SEMA3D: variants seen among roughly 807,000 people sequenced by gnomAD.
SEMA3D encodes the protein semaphorin 3D.
A neutral mutation model predicts 100.1 loss-of-function variants in SEMA3D; 84 were observed. The ratio of observed to expected loss-of-function variants is 0.84; its 90% CI spans 0.70 to 1.01. The LOEUF (loss-of-function observed/expected upper bound fraction) is 1.01, where lower values mean the gene tolerates loss of function less well. Among genes scored for constraint, SEMA3D ranks in the 50% least tolerant of loss-of-function variants. SEMA3D has a pLI of 0.00. For synonymous variants in SEMA3D, 312 were observed against 320.7 expected (o/e 0.97, Z 0.29); for missense variants, 875 against 934.1 (o/e 0.94, Z 0.82).
intron 8 of SEMA3D, among the ~76,000 whole-genome samples, chr7:85,060,689 C>T (rs974414713): frequency 6.6e-6 from 1 of 152,100 alleles, no homozygotes; most frequent in African/African-American, 2.4e-5. Flanking sequence ...TCTTTTCACC[C>T]AGATGAGCAC....
intron 4 of SEMA3D, among the ~76,000 whole-genome samples, chr7:85,094,402 A>G (rs1487016472): frequency 1.3e-5 from 2 of 151,978 alleles, no homozygotes; most frequent in Non-Finnish European, 2.9e-5. Context: ...TAAAAATGGT[A>G]TTATCACTCA....
chr7:85,124,636 G>A (rs1789516723), intron 2 of SEMA3D, among the ~76,000 whole-genome samples: 1 of 152,098 alleles, frequency 6.6e-6, no homozygotes, highest in South Asian at 2.1e-4. Flanking sequence ...GGAGGACAGA[G>A]AAAAGAGACT....
At chr7:85,008,873 A>C (rs1013891055) in intron 17 of SEMA3D, among the ~76,000 whole-genome samples, 1 of 151,786 alleles carries the variant, frequency 6.6e-6, no homozygotes, top group Admixed American at 6.6e-5. Context: ...AATAATATTA[A>C]AAATACTATA....
At chr7:85,124,383 G>T (rs1178848050) in intron 2 of SEMA3D, among the ~76,000 whole-genome samples, 3 of 151,478 alleles carry the variant, frequency 2.0e-5, no homozygotes, top group African/African-American at 7.3e-5. Context: ...ACTTGTGATG[G>T]TATTTGAATA....
intron 12 of SEMA3D, among the ~76,000 whole-genome samples, chr7:85,031,584 T>C (rs1161633813): frequency 2.0e-5 from 3 of 151,990 alleles, no homozygotes; most frequent in Non-Finnish European, 4.4e-5. Context: ...GGTAGGTTAA[T>C]GGCTTTTGAT....
chr7:85,073,827 T>C (rs972614562), intron 5 of SEMA3D, among the ~76,000 whole-genome samples: 3 of 152,238 alleles, frequency 2.0e-5, no homozygotes, highest in Non-Finnish European at 4.4e-5. Context: ...TTTTTTCTCA[T>C]GGACTTTTTT....
In SEMA3D at chr7:85,099,610, C is replaced by T. The variant is rs200876924; in HGVS notation, c.152-1645G>A. Among the ~76,000 whole-genome samples the T allele has an allele frequency of 4.6e-5, 7 of 152,010 alleles. No homozygotes were observed. The East Asian group carries it at 1.4e-3, about 30-fold the overall frequency. ...GATTTGTGAGAAACTGCCAAATTGC[C>T]TTCCAAAGTGTCTATACCACTTTGC... On this transcript the variant is annotated intron_variant, in intron 3 of 18. Coordinates refer to ENST00000284136, the MANE Select transcript of SEMA3D (RefSeq NM_001384900.1).
At chr7:85,207,255 C>T in the SEMA3D span, among the ~76,000 whole-genome samples, 1 of 152,014 alleles carries the variant, frequency 6.6e-6, no homozygotes, top group Non-Finnish European at 1.5e-5. Flanking sequence ...TTCAGCCAAA[C>T]ACCGTAAAAG....
Position 85,106,758 on chromosome 7 carries a change from A to T in SEMA3D, c.152-8793T>A, listed in dbSNP as rs150805955. Among the ~76,000 whole-genome samples, 1,166 of 152,184 alleles carry T rather than the reference A, an allele frequency of 7.7e-3. 19 individuals are homozygous for T. Among genetic ancestry groups the T allele is most frequent in the African/African-American group, 0.027 (1,120 of 41,538 alleles). Reference sequence around the variant, plus strand: ...CTGGGGAGGCCTCAGGAAACTTACAATCATGGTGGAAGCCACCTCTTCACA... The same window carrying T: ...CTGGGGAGGCCTCAGGAAACTTACATTCATGGTGGAAGCCACCTCTTCACA... On this transcript the variant is annotated intron_variant, in intron 3 of 18. Coordinates refer to ENST00000284136, the MANE Select transcript of SEMA3D (RefSeq NM_001384900.1).
At chr7:85,210,023 G>C in the SEMA3D span, among the ~76,000 whole-genome samples, 1 of 152,044 alleles carries the variant, frequency 6.6e-6, no homozygotes, top group Non-Finnish European at 1.5e-5. Context: ...GGAATGTATT[G>C]ATCCAACCTC....
rs546699086 is a variant in SEMA3D, at chr7:85,006,898, A to C, written c.1812T>G (p.Ile604Met). ...ATTCCAGAAAGGTTGAGTTAAATTC[A>C]ATGCCAAAAATCACCTTTTCATCAG... ...ETADEKVIFG[I>M]EFNSTFLECI... The change falls in exon 18 of 19, where the codon ATT (isoleucine) becomes ATG (methionine). Residue 604 changes from isoleucine to methionine, a missense_variant. Transcript: ENST00000284136. 39 of 1,610,926 alleles carry C rather than the reference A, an allele frequency of 2.4e-5. No individual in the cohort carries two copies. In the South Asian group the frequency reaches 4.3e-4, roughly 18 times the overall value.
At chr7:85,055,135 T>C (rs915096134) in intron 9 of SEMA3D, among the ~76,000 whole-genome samples, 1 of 152,114 alleles carries the variant, frequency 6.6e-6, no homozygotes, top group African/African-American at 2.4e-5. Flanking sequence ...AAATATTTAA[T>C]AGAGTAATAA....
chr7:85,246,210 G>C, the SEMA3D span, among the ~76,000 whole-genome samples: 1 of 152,030 alleles, frequency 6.6e-6, no homozygotes, highest in African/African-American at 2.4e-5. Context: ...CTTTCAGTTT[G>C]GGGAAAGCTT....
intron 1 of SEMA3D, among the ~76,000 whole-genome samples, chr7:85,154,075 A>G (rs1583973355): frequency 6.6e-6 from 1 of 152,100 alleles, no homozygotes; most frequent in Admixed American, 6.6e-5. Flanking sequence ...GGCCCAGTCA[A>G]GTGGACACAT....
chr7:85,248,080 C>T, the SEMA3D span, among the ~76,000 whole-genome samples: 951 of 151,946 alleles, frequency 6.3e-3, 20 homozygotes, highest in Non-Finnish European at 4.0e-3. Flanking sequence ...TTGCAAAAGA[C>T]ATATGAGATA....
At chr7:85,184,302 G>A (rs916873918) in intron 1 of SEMA3D, among the ~76,000 whole-genome samples, 3 of 152,042 alleles carry the variant, frequency 2.0e-5, no homozygotes, top group African/African-American at 7.2e-5. Flanking sequence ...ATCTCAGTTC[G>A]TGCCCTTACT....
intron 5 of SEMA3D, among the ~76,000 whole-genome samples, chr7:85,074,065 T>TA (rs1791852717): frequency 1.3e-5 from 2 of 152,306 alleles, no homozygotes; most frequent in South Asian, 4.1e-4. Context: ...ACATAAATGT[T>TA]ACATGCAATT....
At chr7:85,204,350 A>G in the SEMA3D span, among the ~76,000 whole-genome samples, 8 of 150,768 alleles carry the variant, frequency 5.3e-5, no homozygotes, top group Admixed American at 5.3e-4. Context: ...ATACAGTTAA[A>G]AAAAAAAAAA....
chr7:85,164,292 T>C (rs2116526048), intron 1 of SEMA3D, among the ~76,000 whole-genome samples: 1 of 152,266 alleles, frequency 6.6e-6, no homozygotes, highest in Middle Eastern at 3.4e-3. Flanking sequence ...AAACTAGTTA[T>C]TTAAACTAGT....
Sources: allele counts gnomAD v4.1 joint callset (sites outside exome capture counted in the v4.1 genomes callset), GRCh38; gene constraint gnomAD v4.1.1; transcripts MANE v1.5; gene names NCBI Gene and HGNC (gene_info 2026-07-23, HGNC 2026-07-21).